NINL: variants seen among roughly 807,000 people sequenced by gnomAD.
NINL encodes ninein like.
A neutral mutation model predicts 160.3 loss-of-function variants in NINL; 153 were observed. The ratio of observed to expected loss-of-function variants is 0.95; its 90% confidence interval spans 0.84 to 1.09. The LOEUF (loss-of-function observed/expected upper bound fraction) is 1.09. Among genes scored for constraint, NINL ranks in the 50% least tolerant of loss-of-function variants. The pLI is 0.00. For synonymous variants in NINL, 800 were observed against 734.8 expected (o/e 1.09, Z -1.43); for missense variants, 1,829 against 1,764.0 (o/e 1.04, Z -0.66).
rs2063259408 is a variant in NINL at position 25,476,759 on chromosome 20, A to C, written c.2532T>G (p.Arg844=). ...LVAGSGQEGT[R]GLLPLRPGCG... ...AGCCCGGACGCAGTGGTAGGAGGCC[A>C]CGTGTGCCCTCCTGGCCACTTCCTG... Residue 844 remains arginine (R), a synonymous_variant, in exon 17 of 24, where the codon CGT becomes CGG. Transcript: ENST00000278886. 1 of 1,609,898 alleles carries C rather than the reference A, an allele frequency of 6.2e-7. No individual in the cohort carries two copies. Among genetic ancestry groups the C allele is most frequent in the African/African-American group, 1.3e-5 (1 of 74,910 alleles).
At chr20:25,463,680 C>A (rs763262931) in intron 19 of NINL, among the ~76,000 whole-genome samples, 1 of 152,212 alleles carries the variant, frequency 6.6e-6, no homozygotes, top group Non-Finnish European at 1.5e-5. Context: ...TCCTCTGACC[C>A]GCTCTCAGCA....
chr20:25,539,672 T>C (rs1397188475), intron 1 of NINL, among the ~76,000 whole-genome samples: 1 of 152,092 alleles, frequency 6.6e-6, no homozygotes, highest in African/African-American at 2.4e-5. Context: ...CCTCCCTCCC[T>C]ACTTGGAAAT....
At chr20:25,492,345 C>T (rs1405510116) in intron 10 of NINL, among the ~76,000 whole-genome samples, 1 of 152,194 alleles carries the variant, frequency 6.6e-6, no homozygotes, top group African/African-American at 2.4e-5. Flanking sequence ...TCTTTAAAAA[C>T]TTTTGAAATA....
Position 25,462,366 on chromosome 20 carries a change from C to G in NINL, c.3582+17G>C, listed in dbSNP as rs760387109. ...TCCCAGCCTCCAGCTCAGCTCCCTG[C>G]GGCTGAGGCCACCCACCTGCTGCTG... On this transcript the variant is annotated intron_variant, in intron 20 of 23. Transcript: ENST00000278886. 3.4e-6 allele frequency: 4 copies of G among 1,170,142 alleles called. No homozygotes were observed. The highest frequency in any genetic ancestry group is 1.8e-5 in the South Asian group (1 of 56,936). The allele number at this position is 1,170,142 out of a possible 1,614,324, so 72.5% of individuals were successfully genotyped here.
chr20:25,567,587 C>A (rs1568970996), intron 1 of NINL, among the ~76,000 whole-genome samples: 1 of 151,816 alleles, frequency 6.6e-6, no homozygotes, highest in South Asian at 2.1e-4. Context: ...CTGAAAGAAG[C>A]CAGAAGAAAA....
Position 25,476,819 on chromosome 20 carries a change from T to C in NINL, c.2472A>G (p.Ala824=), listed in dbSNP as rs528366351. 1.9e-6 allele frequency: 3 copies of C among 1,613,222 alleles called. No individual in the cohort carries two copies. The highest frequency in any genetic ancestry group is 2.2e-5 in the East Asian group (1 of 44,866). The part of the protein sequence containing the change: ...GKRVDGPSLE[A]EMQALPKDGL... ...CATCTTTCGGCAGGGCCTGCATCTC[T>C]GCTTCCAGGGAGGGCCCGTCCACTC... Residue 824 remains alanine (A), a synonymous_variant, in exon 17 of 24, where the codon GCA becomes GCG. Transcript: ENST00000278886.
At position 25,462,512 on chromosome 20, in the gene NINL, C is replaced by G; in HGVS notation, c.3453G>C (p.Gln1151His). 6.2e-7 allele frequency: 1 copy of G among 1,614,070 alleles called. No homozygotes were observed. Among genetic ancestry groups the G allele is most frequent in the Non-Finnish European group, 8.5e-7 (1 of 1,180,008 alleles). ...CCAGTTGAAGAACCCTGACATTGAGCTGGGATAATTGATCCTTGTAGTTCT... is the reference window on the plus strand; with the variant it reads ...CCAGTTGAAGAACCCTGACATTGAGGTGGGATAATTGATCCTTGTAGTTCT... ...QNQNYKDQLS[Q>H]LNVRVLQLGQ... Residue 1151 changes from glutamine to histidine, a missense_variant, in exon 20 of 24, where the codon CAG becomes CAC. Coordinates refer to ENST00000278886, the MANE Select transcript of NINL (RefSeq NM_025176.6).
intron 1 of NINL, among the ~76,000 whole-genome samples, chr20:25,555,837 G>C (rs1568963958): frequency 6.6e-6 from 1 of 152,240 alleles, no homozygotes; most frequent in East Asian, 1.9e-4. Context: ...ACCACGCTTG[G>C]GTAATTTTTG....
At chr20:25,553,312 C>A (rs893804350) in intron 1 of NINL, among the ~76,000 whole-genome samples, 7 of 151,792 alleles carry the variant, frequency 4.6e-5, no homozygotes, top group African/African-American at 1.7e-4. Flanking sequence ...ACAAAAAAAA[C>A]CGAAAACAAA....
intron 1 of NINL, among the ~76,000 whole-genome samples, chr20:25,567,635 T>A (rs552134180): frequency 1.3e-5 from 2 of 152,166 alleles, no homozygotes; most frequent in Non-Finnish European, 2.9e-5. Context: ...TACATCAGAC[T>A]TCTCATATAC....
chr20:25,477,417 C>T (rs2063285782), intron 16 of NINL, among the ~76,000 whole-genome samples: 1 of 152,368 alleles, frequency 6.6e-6, no homozygotes. Context: ...GTTCCAAGCC[C>T]TCAAGGCTCC....
intron 1 of NINL, among the ~76,000 whole-genome samples, chr20:25,554,630 AAAAAAC>A (rs869218530): frequency 0.22 from 8,277 of 37,492 alleles, 285 homozygotes; most frequent in East Asian, 0.37. Context: ...TTACCAAAAA[AAAAAAC>A]AAAAAAAAAA....
chr20:25,517,744 T>C lies in NINL; in HGVS notation c.277+9A>G, dbSNP rs776058346. ...TAATGAAAAGAAAACACAGAGGAAATCCTCTTACCTGATTCCAAAGAACTA... is the reference window on the plus strand; with the variant it reads ...TAATGAAAAGAAAACACAGAGGAAACCCTCTTACCTGATTCCAAAGAACTA... On this transcript the variant is annotated intron_variant, in intron 3 of 23. Transcript: ENST00000278886. 9.6e-6 allele frequency: 15 copies of C among 1,568,220 alleles called. No individual in the cohort carries two copies. Among genetic ancestry groups the C allele is most frequent in the Non-Finnish European group, 1.3e-5 (15 of 1,156,032 alleles).
chr20:25,512,558 GGCATCCCCA>G (rs1214552993), intron 4 of NINL, among the ~76,000 whole-genome samples: 1 of 152,114 alleles, frequency 6.6e-6, no homozygotes, highest in Admixed American at 6.5e-5. Context: ...AGTTTCCTGA[GGCATCCCCA>G]GCCATGCCTC....
intron 17 of NINL, among the ~76,000 whole-genome samples, chr20:25,470,761 G>A (rs1406233422): frequency 6.6e-6 from 1 of 152,196 alleles, no homozygotes; most frequent in African/African-American, 2.4e-5. Flanking sequence ...TGGGGAGGCT[G>A]AGGCAGGAAG....
intron 13 of NINL, among the ~76,000 whole-genome samples, chr20:25,483,995 G>T (rs1372569568): frequency 6.6e-6 from 1 of 152,160 alleles, no homozygotes; most frequent in Non-Finnish European, 1.5e-5. Flanking sequence ...CACTTCTGCT[G>T]GGACATTTGC....
At chr20:25,498,442 T>G in intron 8 of NINL, 96 bp from the exon 9 acceptor site, 1 of 1,502,884 alleles carries the variant, frequency 6.7e-7, no homozygotes, top group Non-Finnish European at 8.9e-7. Context: ...TAGCCCAGCA[T>G]GGCTGTCCCA....
At chr20:25,583,916 T>G (rs186266193) in intron 1 of NINL, among the ~76,000 whole-genome samples, 1 of 151,692 alleles carries the variant, frequency 6.6e-6, no homozygotes, top group East Asian at 1.9e-4. Context: ...TAAGTGGGAG[T>G]TGACAATGAG....
intron 2 of NINL, among the ~76,000 whole-genome samples, chr20:25,525,488 C>CA (rs201341295): frequency 9.9e-5 from 15 of 151,636 alleles, no homozygotes; most frequent in South Asian, 6.2e-4. Flanking sequence ...CCCATCTCTA[C>CA]AAAAAAAATA....
Sources: gnomAD v4.1 joint callset for allele counts (sites outside exome capture counted in the v4.1 genomes callset) on GRCh38, gnomAD v4.1.1 for gene constraint, MANE v1.5 for transcripts, NCBI Gene and HGNC (gene_info 2026-07-23, HGNC 2026-07-21) for gene names.